The following THSD7A variants were observed in gnomAD, a reference collection of about 807,000 sequenced individuals.
The protein encoded by THSD7A is thrombospondin type 1 domain containing 7A.
Under a neutral mutation model 231.3 loss-of-function variants are expected in THSD7A, and 96 were observed. The observed-to-expected ratio is 0.41, with a 90% CI of 0.35 to 0.49. The LOEUF (loss-of-function observed/expected upper bound fraction) is 0.49. Ranked by LOEUF, THSD7A falls within the 20% of genes least tolerant of loss-of-function variation. The pLI is 0.05. For synonymous variants in THSD7A, 940 were observed against 743.3 expected (o/e 1.26, Z -4.30); for missense variants, 2,290 against 2,070.2 (o/e 1.11, Z -2.06).
chr7:11,649,164 T>G (rs1782398621), intron 1 of THSD7A, among the ~76,000 whole-genome samples: 1 of 152,058 alleles, frequency 6.6e-6, no homozygotes, highest in South Asian at 2.1e-4. Flanking sequence ...CCATCTATGA[T>G]GTCATGGAAA....
chr7:11,778,064 G>A (rs2128173568), intron 1 of THSD7A, among the ~76,000 whole-genome samples: 1 of 144,040 alleles, frequency 6.9e-6, no homozygotes, highest in Non-Finnish European at 1.5e-5. Flanking sequence ...GGCTGAGGCA[G>A]GAGAATGGCG....
intron 14 of THSD7A, among the ~76,000 whole-genome samples, chr7:11,427,406 C>T (rs986305647): frequency 5.9e-5 from 9 of 152,046 alleles, no homozygotes; most frequent in African/African-American, 1.9e-4. Context: ...TCAACCGATA[C>T]CAAGTCACAA....
chr7:11,772,186 T>G (rs953540527), intron 1 of THSD7A, among the ~76,000 whole-genome samples: 2 of 147,752 alleles, frequency 1.4e-5, no homozygotes. Context: ...CAGTCAGAAT[T>G]ATTATTATTA....
intron 4 of THSD7A, among the ~76,000 whole-genome samples, chr7:11,551,611 A>AC (rs1789629896): frequency 6.6e-6 from 1 of 152,108 alleles, no homozygotes; most frequent in Non-Finnish European, 1.5e-5. Context: ...CAACATCACT[A>AC]TTCATCAGAG....
intron 1 of THSD7A, among the ~76,000 whole-genome samples, chr7:11,753,997 G>T (rs906989626): frequency 6.6e-6 from 1 of 151,750 alleles, no homozygotes; most frequent in South Asian, 2.1e-4. Context: ...TTTCCAGAAC[G>T]GCCACTTTAT....
chr7:11,388,633 A>G (rs1256276907), intron 23 of THSD7A, among the ~76,000 whole-genome samples: 1 of 152,160 alleles, frequency 6.6e-6, no homozygotes, highest in African/African-American at 2.4e-5. Flanking sequence ...GATCTTTTCA[A>G]AAAACCAGGT....
At chr7:11,718,172 A>G (rs1315550359) in intron 1 of THSD7A, among the ~76,000 whole-genome samples, 3 of 151,678 alleles carry the variant, frequency 2.0e-5, no homozygotes, top group Non-Finnish European at 3.0e-5. Flanking sequence ...GATATATAGT[A>G]TAGCAAATGC....
intron 1 of THSD7A, among the ~76,000 whole-genome samples, chr7:11,642,905 T>C (rs1164621947): frequency 6.6e-6 from 1 of 152,052 alleles, no homozygotes; most frequent in Non-Finnish European, 1.5e-5. Context: ...AATTTAAAAT[T>C]ACTCTTTCCC....
At chr7:11,568,229 G>T (rs1458815737) in intron 4 of THSD7A, among the ~76,000 whole-genome samples, 1 of 151,938 alleles carries the variant, frequency 6.6e-6, no homozygotes, top group Non-Finnish European at 1.5e-5. Context: ...TTCTCCTCTG[G>T]ACAGAAACAA....
chr7:11,422,877 T>C (rs929614296), intron 16 of THSD7A, among the ~76,000 whole-genome samples: 1 of 152,162 alleles, frequency 6.6e-6, no homozygotes, highest in African/African-American at 2.4e-5. Flanking sequence ...GGTCTTGATT[T>C]CTTGACGTTG....
chr7:11,543,826 A>C (rs1247610225), intron 4 of THSD7A, among the ~76,000 whole-genome samples: 1 of 151,850 alleles, frequency 6.6e-6, no homozygotes. Context: ...TGTTTTTTTT[A>C]TGCCTGCAGT....
intron 1 of THSD7A, among the ~76,000 whole-genome samples, chr7:11,661,866 A>G (rs914616154): frequency 6.6e-6 from 1 of 151,314 alleles, no homozygotes; most frequent in African/African-American, 2.4e-5. Context: ...AGTGTTATCA[A>G]TGGAAGACAA....
At chr7:11,807,591 T>C (rs1310074355) in intron 1 of THSD7A, among the ~76,000 whole-genome samples, 1 of 152,152 alleles carries the variant, frequency 6.6e-6, no homozygotes, top group African/African-American at 2.4e-5. Context: ...AATAATGTAA[T>C]TTTTAGTCTA....
intron 6 of THSD7A, among the ~76,000 whole-genome samples, chr7:11,486,717 A>G (rs1786673977): frequency 6.6e-6 from 1 of 151,962 alleles, no homozygotes; most frequent in South Asian, 2.1e-4. Flanking sequence ...TAAATATACT[A>G]TCTTTTTTGG....
chr7:11,729,865 T>G (rs1781669249), intron 1 of THSD7A, among the ~76,000 whole-genome samples: 1 of 151,766 alleles, frequency 6.6e-6, no homozygotes, highest in African/African-American at 2.4e-5. Context: ...TTTCACTTGT[T>G]TAAAAATATT....
chr7:11,787,962 C>G (rs1048452310), intron 1 of THSD7A, among the ~76,000 whole-genome samples: 2 of 152,074 alleles, frequency 1.3e-5, no homozygotes, highest in Admixed American at 1.3e-4. Context: ...TTCCATGTTA[C>G]CAATGCCTGC....
intron 1 of THSD7A, among the ~76,000 whole-genome samples, chr7:11,670,349 G>T (rs1289877462): frequency 6.6e-6 from 1 of 152,188 alleles, no homozygotes; most frequent in Non-Finnish European, 1.5e-5. Context: ...AAAGGCCAAA[G>T]GTTTAAGGGC....
intron 1 of THSD7A, among the ~76,000 whole-genome samples, chr7:11,730,569 T>C (rs150530691): frequency 0.017 from 2,553 of 151,814 alleles, 82 homozygotes; most frequent in African/African-American, 0.059. Flanking sequence ...GCTTTATCTT[T>C]GGTTGAAAAT....
intron 22 of THSD7A, among the ~76,000 whole-genome samples, chr7:11,404,697 G>A (rs948410219): frequency 2.6e-5 from 4 of 152,118 alleles, no homozygotes; most frequent in African/African-American, 9.7e-5. Flanking sequence ...GTTGTTGGCA[G>A]CAACACTTTG....
Sources: gnomAD v4.1 joint callset for allele counts (sites outside exome capture counted in the v4.1 genomes callset) on GRCh38, gnomAD v4.1.1 for gene constraint, MANE v1.5 for transcripts, NCBI Gene and HGNC (gene_info 2026-07-23, HGNC 2026-07-21) for gene names.